The following ACSL4 variants were observed in gnomAD, a reference collection of about 807,000 sequenced individuals.
The protein encoded by ACSL4 is long-chain-fatty-acid--CoA ligase 4.
A neutral mutation model predicts 49.1 loss-of-function variants in ACSL4; 9 were observed. That is an observed-to-expected ratio of 0.18 (90% CI 0.11 to 0.32). The LOEUF is 0.32. ACSL4 is among the 10% of genes least tolerant of loss of function. ACSL4 has a pLI of 1.00. For missense variants in ACSL4, 333 were observed against 493.7 expected (o/e 0.67, Z 3.08); for synonymous variants, 191 against 170.3 (o/e 1.12, Z -0.95).
chrX:109,682,402 T>C (rs1482965243), intron 4 of ACSL4, among the ~76,000 whole-genome samples: 1 of 110,407 alleles, frequency 9.1e-6, no homozygotes, highest in East Asian at 2.8e-4. Context: ...TTTTAATCAT[T>C]ACTCTTTGTA....
intron 2 of ACSL4, among the ~76,000 whole-genome samples, chrX:109,694,363 G>A (rs1925265601): frequency 8.9e-6 from 1 of 112,256 alleles, no homozygotes; most frequent in Non-Finnish European, 1.9e-5. Flanking sequence ...ATCAGATATA[G>A]GGTTTTAGTC....
At chrX:109,657,481 C>T (rs1215449914) in intron 15 of ACSL4, among the ~76,000 whole-genome samples, 2 of 106,319 alleles carry the variant, frequency 1.9e-5, no homozygotes, top group Non-Finnish European at 3.8e-5. Context: ...GGTTTTTTGT[C>T]CTTGCGATAG....
rs752244375 is a variant in ACSL4 at position 109,725,827 on chromosome X, T to C, written c.-66+7312A>G. 1.3e-4 allele frequency among the ~76,000 whole-genome samples: 14 copies of C among 111,940 alleles called. 3 individuals carry two copies. The South Asian group carries it at 1.5e-3, about 12-fold the overall frequency. On this transcript the variant is annotated intron_variant, in intron 1 of 15. Coordinates refer to ENST00000672401, the MANE Select transcript of ACSL4 (RefSeq NM_001318510.2). Reference sequence around the variant, plus strand: ...TCTTGTATAGTCATCTTACCCACATTTAAGCGGACAGTATTTTTTTTTGCA... The same window carrying C: ...TCTTGTATAGTCATCTTACCCACATCTAAGCGGACAGTATTTTTTTTTGCA...
chrX:109,660,858 T>C (rs372546227), intron 14 of ACSL4, among the ~76,000 whole-genome samples: 19 of 111,273 alleles, frequency 1.7e-4, no homozygotes, highest in South Asian at 1.1e-3. Context: ...ATAATTCTAC[T>C]TGTGTGAGAT....
At chrX:109,646,618 G>C (rs1934716985) in intron 15 of ACSL4, among the ~76,000 whole-genome samples, 1 of 108,525 alleles carries the variant, frequency 9.2e-6, no homozygotes, top group African/African-American at 3.4e-5. Flanking sequence ...ATCAACTAAC[G>C]AGCAAAATAA....
chrX:109,730,980 T>C (rs147463013), intron 1 of ACSL4, among the ~76,000 whole-genome samples: 2,036 of 111,862 alleles, frequency 0.018, 34 homozygotes, highest in African/African-American at 0.062. Flanking sequence ...CCTTATAAAT[T>C]TCTAAAAGCC....
At chrX:109,728,907 T>C (rs1432423783) in intron 1 of ACSL4, among the ~76,000 whole-genome samples, 1 of 111,371 alleles carries the variant, frequency 9.0e-6, no homozygotes, top group East Asian at 2.8e-4. Context: ...ACCTGACAAA[T>C]GATTAGTATT....
At chrX:109,728,018 A>G (rs886767209) in intron 1 of ACSL4, among the ~76,000 whole-genome samples, 2 of 112,638 alleles carry the variant, frequency 1.8e-5, no homozygotes, top group African/African-American at 6.5e-5. Flanking sequence ...GAGTAAATAT[A>G]GTAACACTGA....
chrX:109,688,783 T>C lies in ACSL4; in HGVS notation c.-12-5408A>G, dbSNP rs765690908. ...CTTAGCTTCCAGGAAACCATATTCT[T>C]CAGGTTTTCTTCCTACTTCCCTGGC... is the stretch of plus-strand genomic sequence containing the variant. On this transcript the variant is annotated intron_variant, in intron 2 of 15. Coordinates refer to ENST00000672401, the MANE Select transcript of ACSL4 (RefSeq NM_001318510.2). Among the ~76,000 whole-genome samples, 12 of 111,108 alleles carry C rather than the reference T, an allele frequency of 1.1e-4. No homozygotes were observed. In the South Asian group the frequency reaches 4.2e-3, roughly 39 times the overall value.
chrX:109,686,165 C>CT (rs1924589451), intron 2 of ACSL4, among the ~76,000 whole-genome samples: 1 of 112,049 alleles, frequency 8.9e-6, no homozygotes, highest in African/African-American at 3.2e-5. Flanking sequence ...ACAATCTTTA[C>CT]TTTTTCTAAT....
intron 15 of ACSL4, among the ~76,000 whole-genome samples, chrX:109,652,927 T>C (rs1921272335): frequency 8.9e-6 from 1 of 111,799 alleles, no homozygotes; most frequent in Non-Finnish European, 1.9e-5. Flanking sequence ...CTTCACAGTG[T>C]CTAGAATTCA....
rs1311641295 is a variant in ACSL4 at position 109,669,174 on chromosome X, C to G, written c.1003-1G>C. The G allele has an allele frequency of 8.6e-7, 1 of 1,156,540 alleles. No homozygotes were observed. ...TCTTATAAATTCTATCCATGATTTC[C>G]TGAAAGTTAAACAAAATATTCAATA... is the stretch of plus-strand genomic sequence containing the variant. On this transcript the variant is annotated splice_acceptor_variant, in intron 9 of 15. Transcript: ENST00000672401. LOFTEE classifies it high-confidence loss of function.
chrX:109,665,569 G>T, intron 11 of ACSL4, 75 bp from the exon 12 acceptor site: 1 of 872,842 alleles, frequency 1.1e-6, no homozygotes, highest in Non-Finnish European at 1.7e-6. Context: ...GAATATTAGA[G>T]TTAGAACCAG....
At chrX:109,645,387 G>A (rs1460726230) in intron 15 of ACSL4, among the ~76,000 whole-genome samples, 1 of 112,200 alleles carries the variant, frequency 8.9e-6, no homozygotes, top group Non-Finnish European at 1.9e-5. Context: ...CAGCCTAAAT[G>A]GGAGGCACCC....
chrX:109,677,913 G>C, intron 8 of ACSL4, 75 bp downstream of exon 8: 1 of 1,172,734 alleles, frequency 8.5e-7, no homozygotes, highest in Non-Finnish European at 1.2e-6. Context: ...AAAATATCTC[G>C]AGTCCTAGTA....
Position 109,711,981 on chromosome X carries a change from C to T in ACSL4, c.-65-15785G>A, listed in dbSNP as rs1013299820. On this transcript the variant is annotated intron_variant, in intron 1 of 15. Transcript: ENST00000672401. ...GAAGTCATATTATGTAGAAAGGAAACCAAAAAAGGATTTCCAAGATAAATC... is the reference window on the plus strand; with the variant it reads ...GAAGTCATATTATGTAGAAAGGAAATCAAAAAAGGATTTCCAAGATAAATC... Among the ~76,000 whole-genome samples the T allele has an allele frequency of 6.2e-4, 69 of 111,597 alleles. 1 individual carries two copies. Among genetic ancestry groups the T allele is most frequent in the Non-Finnish European group, 1.1e-3 (56 of 53,037 alleles).
At position 109,668,295 on chromosome X, in the gene ACSL4, G is replaced by T. The variant is rs1429380415; in HGVS notation, c.1143-22C>A. The T allele has an allele frequency of 2.6e-6, 3 of 1,164,616 alleles. No individual in the cohort carries two copies. The East Asian group carries it at 9.0e-5, about 35-fold the overall frequency. ...TAACCTTAATAAAGGGAGGATAAAT[G>T]ATTTTAATGTACGCATACATTATTC... On this transcript the variant is annotated intron_variant, in intron 10 of 15. Coordinates refer to ENST00000672401, the MANE Select transcript of ACSL4 (RefSeq NM_001318510.2).
At chrX:109,693,262 T>TAA (rs1047600812) in intron 2 of ACSL4, among the ~76,000 whole-genome samples, 2 of 103,779 alleles carry the variant, frequency 1.9e-5, no homozygotes, top group African/African-American at 7.0e-5. Flanking sequence ...TATCGTGATT[T>TAA]AAAAAAAAAA....
At chrX:109,688,059 C>T (rs1270780909) in intron 2 of ACSL4, among the ~76,000 whole-genome samples, 4 of 111,988 alleles carry the variant, frequency 3.6e-5, no homozygotes, top group Admixed American at 9.4e-5. Flanking sequence ...GAGACCACAC[C>T]GCACTAGTCC....
Sources: allele counts gnomAD v4.1 joint callset (sites outside exome capture counted in the v4.1 genomes callset), GRCh38; gene constraint gnomAD v4.1.1; transcripts MANE v1.5; gene names NCBI Gene and HGNC (gene_info 2026-07-23, HGNC 2026-07-21).